PHACTR1: variants seen among roughly 807,000 people sequenced by gnomAD.
PHACTR1 encodes phosphatase and actin regulator 1, also known as RPEL repeat containing 1.
In PHACTR1, 16 loss-of-function variants were observed where a neutral mutation model predicts 69.2. The ratio of observed to expected loss-of-function variants is 0.23; its 90% CI spans 0.16 to 0.35. The LOEUF (loss-of-function observed/expected upper bound fraction) is 0.35. PHACTR1 is among the 10% of genes least tolerant of loss of function. The pLI is 1.00. For synonymous variants in PHACTR1, 312 were observed against 284.5 expected, an observed-to-expected ratio of 1.10 and a Z score of -0.97; for missense variants, 510 against 734.7, an observed-to-expected ratio of 0.69 and a Z score of 3.54.
intron 4 of PHACTR1, among the ~76,000 whole-genome samples, chr6:13,047,064 C>T (rs1041137979): frequency 7.9e-5 from 12 of 151,952 alleles, no homozygotes; most frequent in African/African-American, 2.4e-4. Context: ...ACCTGTGTGG[C>T]GTCATTTTGC....
chr6:13,041,529 G>A (rs1434877498), intron 4 of PHACTR1, among the ~76,000 whole-genome samples: 1 of 152,102 alleles, frequency 6.6e-6, no homozygotes, highest in African/African-American at 2.4e-5. Flanking sequence ...TAAGGAAACA[G>A]GGTAATGTCA....
At chr6:12,723,585 G>A (rs949578883) in intron 3 of PHACTR1, among the ~76,000 whole-genome samples, 2 of 148,340 alleles carry the variant, frequency 1.3e-5, no homozygotes, top group Non-Finnish European at 3.0e-5. Context: ...AGCCTCAAAC[G>A]CCTGGGCTCA....
chr6:12,965,043 T>A (rs1216165311), intron 4 of PHACTR1, among the ~76,000 whole-genome samples: 1 of 152,222 alleles, frequency 6.6e-6, no homozygotes, highest in Non-Finnish European at 1.5e-5. Flanking sequence ...TCTATGTACA[T>A]CCTCACACAC....
intron 8 of PHACTR1, among the ~76,000 whole-genome samples, chr6:13,210,093 G>A (rs550509409): frequency 3.9e-5 from 6 of 152,196 alleles, no homozygotes; most frequent in South Asian, 2.1e-4. Flanking sequence ...CTGCGGTCTC[G>A]ACCTTCCAGG....
chr6:13,223,538 A>T (rs934766134), intron 8 of PHACTR1, among the ~76,000 whole-genome samples: 1 of 152,164 alleles, frequency 6.6e-6, no homozygotes, highest in Non-Finnish European at 1.5e-5. Flanking sequence ...CACGTTGTTG[A>T]CAAGGTATGA....
intron 4 of PHACTR1, among the ~76,000 whole-genome samples, chr6:13,017,003 A>C (rs1309883610): frequency 1.3e-5 from 2 of 152,192 alleles, no homozygotes; most frequent in Non-Finnish European, 2.9e-5. Context: ...CATGGCCCAC[A>C]GGATGAAACC....
chr6:13,013,371 A>C (rs1342173202), intron 4 of PHACTR1, among the ~76,000 whole-genome samples: 1 of 152,160 alleles, frequency 6.6e-6, no homozygotes, highest in African/African-American at 2.4e-5. Flanking sequence ...GACCCGCCGG[A>C]GAGGGTAATT....
chr6:13,176,284 A>G (rs1761312843), intron 6 of PHACTR1, among the ~76,000 whole-genome samples: 1 of 152,146 alleles, frequency 6.6e-6, no homozygotes, highest in African/African-American at 2.4e-5. Flanking sequence ...CTGCACTCAT[A>G]TTTCATTTTC....
At chr6:13,050,052 A>G (rs974968903) in intron 4 of PHACTR1, among the ~76,000 whole-genome samples, 4 of 152,228 alleles carry the variant, frequency 2.6e-5, no homozygotes, top group Non-Finnish European at 5.9e-5. Flanking sequence ...CCTCTGGACT[A>G]TGGTGACTTT....
At chr6:12,751,379 A>G (rs1766597266) in intron 4 of PHACTR1, among the ~76,000 whole-genome samples, 1 of 152,218 alleles carries the variant, frequency 6.6e-6, no homozygotes, top group Admixed American at 6.5e-5. Context: ...TTTCAGATTC[A>G]GCGTATGGTT....
At chr6:12,793,886 A>G (rs528487049) in intron 4 of PHACTR1, among the ~76,000 whole-genome samples, 26 of 152,338 alleles carry the variant, frequency 1.7e-4, no homozygotes, top group African/African-American at 5.5e-4. Flanking sequence ...GTGAGAGTAT[A>G]GTGTGAATTC....
intron 10 of PHACTR1, among the ~76,000 whole-genome samples, chr6:13,237,852 G>A (rs1450595398): frequency 6.6e-6 from 1 of 152,160 alleles, no homozygotes; most frequent in Non-Finnish European, 1.5e-5. Context: ...TGAATACTGT[G>A]GCAATTGTAA....
In PHACTR1 at chr6:12,780,249, C is replaced by CTGTGTGTGTG. The variant is rs71552713; in HGVS notation, c.250+30489_250+30498dup. Among the ~76,000 whole-genome samples the CTGTGTGTGTG allele has an allele frequency of 2.5e-3, 370 of 147,564 alleles. 5 individuals carry two copies. The highest frequency in any genetic ancestry group is 9.1e-3 in the African/African-American group (362 of 39,654). ...GGAAACATATATATATATCTTTTCT[C>CTGTGTGTGTG]TGTGTGTGTGTGTGTGTGTGTGTGT... On this transcript the variant is annotated intron_variant, in intron 4 of 14. Transcript: ENST00000332995.
chr6:13,063,129 T>G (rs6932757), intron 5 of PHACTR1, among the ~76,000 whole-genome samples: 31,295 of 152,112 alleles, frequency 0.21, 3,413 homozygotes, highest in South Asian at 0.26. Context: ...CTTACCATAT[T>G]GAATGTATTT....
intron 1 of PHACTR1, 29 bp from the exon 2 acceptor site, chr6:12,717,480 G>A (rs1187120576): frequency 6.6e-6 from 1 of 151,918 alleles, no homozygotes; most frequent in African/African-American, 2.4e-5. Context: ...AGTTTTACAC[G>A]GGAAACTGGT....
intron 4 of PHACTR1, among the ~76,000 whole-genome samples, chr6:12,762,198 C>A (rs1241894413): frequency 6.6e-6 from 1 of 152,068 alleles, no homozygotes; most frequent in East Asian, 1.9e-4. Flanking sequence ...TGGGTTTTTA[C>A]GTATTTATTT....
chr6:13,165,460 C>G (rs556603709), intron 6 of PHACTR1, among the ~76,000 whole-genome samples: 1 of 152,148 alleles, frequency 6.6e-6, no homozygotes, highest in Non-Finnish European at 1.5e-5. Context: ...TCCCTCCGTG[C>G]CAAGGAGTTG....
chr6:13,231,099 GGAAAAGA>G (rs2127338100), intron 10 of PHACTR1, among the ~76,000 whole-genome samples: 1 of 80,360 alleles, frequency 1.2e-5, no homozygotes, highest in Admixed American at 1.6e-4. Flanking sequence ...AGGAAGGAAG[GGAAAAGA>G]AAGAAGGAAA....
intron 4 of PHACTR1, among the ~76,000 whole-genome samples, chr6:12,810,919 G>A (rs1183720417): frequency 6.6e-6 from 1 of 152,230 alleles, no homozygotes; most frequent in Non-Finnish European, 1.5e-5. Flanking sequence ...TTGCCCATGA[G>A]TATCAGGCAG....
Sources: allele counts gnomAD v4.1 joint callset (sites outside exome capture counted in the v4.1 genomes callset), GRCh38; gene constraint gnomAD v4.1.1; transcripts MANE v1.5; gene names NCBI Gene and HGNC (gene_info 2026-07-23, HGNC 2026-07-21).